The following HOXB13 variants were observed in gnomAD, a reference collection of about 807,000 sequenced individuals.
The protein encoded by HOXB13 is homeobox protein Hox-B13.
A neutral mutation model predicts 23.1 loss-of-function variants in HOXB13; 22 were observed. That is an observed-to-expected ratio of 0.95 (90% CI 0.68 to 1.36). The LOEUF (loss-of-function observed/expected upper bound fraction) is 1.36. Among genes scored for constraint, HOXB13 ranks in the 40% most tolerant of loss-of-function variants. The probability of loss-of-function intolerance (pLI) is 0.00; values close to 1 mark genes in which losing one functional copy is unlikely to be tolerated. For synonymous variants in HOXB13, 173 were observed against 157.9 expected (o/e 1.10, Z -0.72); for missense variants, 386 against 376.2 (o/e 1.03, Z -0.22).
Position 48,728,485 on chromosome 17 carries a change from G to C in HOXB13, c.109C>G (p.Pro37Ala). The C allele has an allele frequency of 1.2e-6, 2 of 1,613,346 alleles. No homozygotes were observed. Among genetic ancestry groups the C allele is most frequent in the South Asian group, 1.1e-5 (1 of 91,058 alleles). ...GCAGGCATCAGCGTAGGCGCCGCTG[G>C]GTGGCTGGTCAGAGGGGAGTGGGCG... ...LVAHSPLTSH[P>A]AAPTLMPAVN... Residue 37 changes from proline to alanine, a missense_variant, in exon 1 of 2, where the codon CCA becomes GCA. By Grantham distance (27) the Pro-to-Ala change is conservative. Transcript: ENST00000290295.
At position 48,726,674 on chromosome 17, in the gene HOXB13, G is replaced by A. The variant is rs1285617294; in HGVS notation, c.*116C>T. 1 of 1,295,082 alleles carries A rather than the reference G, an allele frequency of 7.7e-7. No homozygotes were observed. Among genetic ancestry groups the A allele is most frequent in the African/African-American group, 1.5e-5 (1 of 67,158 alleles). 80.2% of individuals were successfully genotyped at this position (1,295,082 alleles called of 1,614,324 possible). Reference sequence around the variant, plus strand: ...TCCAGCAGCCAGTGGCCTGGGAAGGGTGTTGTCTCTAGGGGCCTCTCAGCA... The same window carrying A: ...TCCAGCAGCCAGTGGCCTGGGAAGGATGTTGTCTCTAGGGGCCTCTCAGCA... On this transcript the variant is annotated 3_prime_UTR_variant, in exon 2 of 2. Coordinates refer to ENST00000290295, the MANE Select transcript of HOXB13 (RefSeq NM_006361.6).
In HOXB13 at chr17:48,728,681, A is replaced by T; in HGVS notation, c.-88T>A. The T allele has an allele frequency of 7.6e-7, 1 of 1,318,264 alleles. No individual in the cohort carries two copies. Among genetic ancestry groups the T allele is most frequent in the Non-Finnish European group, 1.1e-6 (1 of 942,078 alleles). The allele number at this position is 1,318,264 out of a possible 1,614,324, so 81.7% of individuals were successfully genotyped here. A position where few individuals can be genotyped will look rare whatever the true frequency, so the allele number is the denominator to read the frequency against. ...TCCCCACCCAGGCCGGGGGAATCCA[A>T]AGCGTTTTAAATCGCTCCCAGCTCG... On this transcript the variant is annotated 5_prime_UTR_variant, in exon 1 of 2. It adds an upstream start codon to the 5' untranslated region. Transcript: ENST00000290295.
chr17:48,727,788 T>C (rs2038226461), intron 1 of HOXB13, among the ~76,000 whole-genome samples: 2 of 152,092 alleles, frequency 1.3e-5, no homozygotes, highest in Admixed American at 6.5e-5. Context: ...AGGCTTCAGA[T>C]AGCACCCAGC....
Position 48,728,738 on chromosome 17 carries a change from C to G in HOXB13, c.-145G>C, listed in dbSNP as rs931652176. On this transcript the variant is annotated 5_prime_UTR_variant, in exon 1 of 2. Transcript: ENST00000290295. ...GCCTGCATTCGCTCAGCACGGCCGT[C>G]TTGACGCAAGAGACGCAGGGGCCCG... 1.3e-6 allele frequency: 1 copy of G among 753,616 alleles called. No individual in the cohort carries two copies. Among genetic ancestry groups the G allele is most frequent in the Non-Finnish European group, 2.1e-6 (1 of 470,468 alleles). 46.7% of individuals were successfully genotyped at this position (753,616 alleles called of 1,614,324 possible).
rs955797935 is a variant in HOXB13, at chr17:48,728,695, G to A, written c.-102C>T. On this transcript the variant is annotated 5_prime_UTR_variant, in exon 1 of 2. Transcript: ENST00000290295. Reference sequence around the variant, plus strand: ...GGGGGAATCCAAAGCGTTTTAAATCGCTCCCAGCTCGCAAGTCGCCTGCAT... The same window carrying A: ...GGGGGAATCCAAAGCGTTTTAAATCACTCCCAGCTCGCAAGTCGCCTGCAT... The A allele has an allele frequency of 8.7e-7, 1 of 1,152,142 alleles. No individual in the cohort carries two copies. Among genetic ancestry groups the A allele is most frequent in the Non-Finnish European group, 1.2e-6 (1 of 808,532 alleles). 71.4% of individuals were successfully genotyped at this position (1,152,142 alleles called of 1,614,324 possible). A position where few individuals can be genotyped will look rare whatever the true frequency, so the allele number is the denominator to read the frequency against.
Position 48,728,492 on chromosome 17 carries a change from G to A in HOXB13, c.102C>T (p.Thr34=), listed in dbSNP as rs1597935105. ...GRNLVAHSPL[T]SHPAAPTLMP... ...TCAGCGTAGGCGCCGCTGGGTGGCT[G>A]GTCAGAGGGGAGTGGGCGACCAGAT... Residue 34 remains threonine, a synonymous_variant, in exon 1 of 2, where the codon ACC becomes ACT. Coordinates refer to ENST00000290295, the MANE Select transcript of HOXB13 (RefSeq NM_006361.6). 2 of 1,613,436 alleles carry A rather than the reference G, an allele frequency of 1.2e-6. No individual in the cohort carries two copies. Among genetic ancestry groups the A allele is most frequent in the Non-Finnish European group, 1.7e-6 (2 of 1,179,948 alleles).
At chr17:48,727,847 C>G in intron 1 of HOXB13, 146 bp downstream of exon 1, 1 of 1,032,588 alleles carries the variant, frequency 9.7e-7, no homozygotes, top group Non-Finnish European at 1.4e-6. Flanking sequence ...CTACTCAGAC[C>G]TCCTTCAGAG....
chr17:48,727,903 C>T, intron 1 of HOXB13, 90 bp downstream of exon 1: 1 of 1,468,358 alleles, frequency 6.8e-7, no homozygotes, highest in Admixed American at 2.0e-5. Flanking sequence ...TCACCAGCTC[C>T]AAGTCTCCCT....
chr17:48,726,978 A>T lies in HOXB13; in HGVS notation c.667T>A (p.Tyr223Asn), dbSNP rs1365586165. 2 of 1,612,908 alleles carry T rather than the reference A, an allele frequency of 1.2e-6. No individual in the cohort carries two copies. The highest frequency in any genetic ancestry group is 2.7e-5 in the African/African-American group (2 of 74,892). ...FRRGRKKRIP[Y>N]SKGQLRELER... ...AGCTCCCGCAACTGCCCCTTGCTGT[A>T]CGGAATGCGTTTCTTGCGGCCGCGA... Residue 223 changes from tyrosine to asparagine, a missense_variant, in exon 2 of 2, where the codon TAC becomes AAC. Tyr to Asn is a moderately radical substitution (Grantham distance 143). Coordinates refer to ENST00000290295, the MANE Select transcript of HOXB13 (RefSeq NM_006361.6).
At position 48,726,688 on chromosome 17, in the gene HOXB13, G is replaced by T; in HGVS notation, c.*102C>A. On this transcript the variant is annotated 3_prime_UTR_variant, in exon 2 of 2. Transcript: ENST00000290295. ...GCCTGGGAAGGGTGTTGTCTCTAGG[G>T]GCCTCTCAGCAGAGTCCTTGGCCCC... 7.1e-7 allele frequency: 1 copy of T among 1,413,964 alleles called. No individual in the cohort carries two copies. Among genetic ancestry groups the T allele is most frequent in the Non-Finnish European group, 9.6e-7 (1 of 1,041,602 alleles). 87.6% of individuals were successfully genotyped at this position (1,413,964 alleles called of 1,614,324 possible).
chr17:48,726,850 C>A lies in HOXB13; in HGVS notation c.795G>T (p.Gln265His), dbSNP rs1291038862. 1 of 1,614,198 alleles carries A rather than the reference C, an allele frequency of 6.2e-7. No homozygotes were observed. Among genetic ancestry groups the A allele is most frequent in the Non-Finnish European group, 8.5e-7 (1 of 1,180,040 alleles). Reference protein sequence around the residue: ...LSERQITIWFQNRRVKEKKVL... With the variant: ...LSERQITIWFHNRRVKEKKVL... Reference sequence around the variant, plus strand: ...CCTTCTTCTCTTTGACCCGGCGGTTCTGAAACCAGATGGTAATCTGGCGCT... The same window carrying A: ...CCTTCTTCTCTTTGACCCGGCGGTTATGAAACCAGATGGTAATCTGGCGCT... The change falls in exon 2 of 2, where the codon CAG becomes CAT. Residue 265 changes from glutamine to histidine, a missense_variant. Gln to His is a conservative substitution (Grantham distance 24, BLOSUM62 0). Coordinates refer to ENST00000290295, the MANE Select transcript of HOXB13 (RefSeq NM_006361.6).
Position 48,728,742 on chromosome 17 carries a change from A to T in HOXB13, c.-149T>A, listed in dbSNP as rs147157748. 9.4e-5 allele frequency: 66 copies of T among 704,822 alleles called. No homozygotes were observed. The highest frequency in any genetic ancestry group is 1.5e-4 in the Non-Finnish European group (63 of 428,558). 43.7% of individuals were successfully genotyped at this position (704,822 alleles called of 1,614,324 possible). A position where few individuals can be genotyped will look rare whatever the true frequency, so the allele number is the denominator to read the frequency against. ...GCATTCGCTCAGCACGGCCGTCTTG[A>T]CGCAAGAGACGCAGGGGCCCGGGCA... On this transcript the variant is annotated 5_prime_UTR_variant, in exon 1 of 2. Transcript: ENST00000290295.
In HOXB13 at chr17:48,726,884, C is replaced by G. The variant is rs769938759; in HGVS notation, c.761G>C (p.Ser254Thr). ...DKRRKISAAT[S>T]LSERQITIWF... Reference sequence around the variant, plus strand: ...GATGGTAATCTGGCGCTCCGAGAGGCTGGTGGCTGCCGAGATCTTGCGCCT... The same window carrying G: ...GATGGTAATCTGGCGCTCCGAGAGGGTGGTGGCTGCCGAGATCTTGCGCCT... Residue 254 changes from serine (S) to threonine (T), a missense_variant, in exon 2 of 2, where the codon AGC becomes ACC. Transcript: ENST00000290295. The G allele has an allele frequency of 1.1e-5, 17 of 1,614,054 alleles. No homozygotes were observed. The African/African-American group carries it at 1.7e-4, about 16-fold the overall frequency.
At position 48,726,796 on chromosome 17, in the gene HOXB13, G is replaced by T; in HGVS notation, c.849C>A (p.Thr283=). 1 of 1,614,076 alleles carries T rather than the reference G, an allele frequency of 6.2e-7. No homozygotes were observed. Among genetic ancestry groups the T allele is most frequent in the Non-Finnish European group, 8.5e-7 (1 of 1,180,014 alleles). ...KVLAKVKNSA[T]P ...ACCCAGGCAAGGAGATCTCTTAAGGGGTAGCGCTGTTCTTCACCTTGGCGA... is the reference window on the plus strand; with the variant it reads ...ACCCAGGCAAGGAGATCTCTTAAGGTGTAGCGCTGTTCTTCACCTTGGCGA... Residue 283 remains threonine, a synonymous_variant, in exon 2 of 2, where the codon ACC becomes ACA. Coordinates refer to ENST00000290295, the MANE Select transcript of HOXB13 (RefSeq NM_006361.6).
rs772962401 is a variant in HOXB13 at position 48,728,355 on chromosome 17, T to C, written c.239A>G (p.Tyr80Cys). The change falls in exon 1 of 2, where the codon TAT (tyrosine) becomes TGT (cysteine). Residue 80 changes from tyrosine to cysteine, a missense_variant. Physicochemically the swap from Tyr to Cys is radical, Grantham distance 194 (BLOSUM62 -2). Transcript: ENST00000290295. ...GTAGTACCCGCCTCCAAAGTAACCA[T>C]AAGGCACGGGAGCTGGGGACGTCCC... is the stretch of plus-strand genomic sequence containing the variant. Reference protein sequence around the residue: ...PQGTSPAPVPYGYFGGGYYSC... With the variant: ...PQGTSPAPVPCGYFGGGYYSC... 1.2e-6 allele frequency: 2 copies of C among 1,613,864 alleles called. No homozygotes were observed. Among genetic ancestry groups the C allele is most frequent in the Non-Finnish European group, 8.5e-7 (1 of 1,179,950 alleles).
Position 48,728,228 on chromosome 17 carries a change from G to T in HOXB13, c.366C>A (p.Ser122Arg), listed in dbSNP as rs8556. 3.6e-5 allele frequency: 58 copies of T among 1,613,982 alleles called. No homozygotes were observed. The highest frequency in any genetic ancestry group is 4.6e-5 in the Non-Finnish European group (54 of 1,180,024). Residue 122 changes from serine (S) to arginine (R), a missense_variant, in exon 1 of 2, where the codon AGC becomes AGA. Transcript: ENST00000290295. ...ETPTAGEEYP[S>R]RPTEFAFYPG... is the part of the protein sequence containing the mutation. ...GATAGAAGGCAAACTCAGTGGGGCG[G>T]CTGGGGTACTCTTCCCCGGCCGTGG...
rs2038196919 is a variant in HOXB13 at position 48,725,353 on chromosome 17, A to G, written c.*1437T>C. 1 of 152,148 alleles carries G rather than the reference A, an allele frequency of 6.6e-6. No individual in the cohort carries two copies. Among genetic ancestry groups the G allele is most frequent in the South Asian group, 2.1e-4 (1 of 4,818 alleles). The allele number at this position is 152,148 out of a possible 1,614,324, so 9.4% of individuals were successfully genotyped here. On this transcript the variant is annotated 3_prime_UTR_variant, in exon 2 of 2. Coordinates refer to ENST00000290295, the MANE Select transcript of HOXB13 (RefSeq NM_006361.6). ...CTCAGTCCCGGGCTCCTCTTTGGTA[A>G]ATAGATTTGTAGGTGTCTAAGTCAC...
chr17:48,728,638 G>A lies in HOXB13; in HGVS notation c.-45C>T. On this transcript the variant is annotated 5_prime_UTR_variant, in exon 1 of 2. Coordinates refer to ENST00000290295, the MANE Select transcript of HOXB13 (RefSeq NM_006361.6). ...TGAGGTGCGGGGGCGGGGAATCTAGGGGGCACCCAGCTCGCTCTCCCCACC... is the reference window on the plus strand; with the variant it reads ...TGAGGTGCGGGGGCGGGGAATCTAGAGGGCACCCAGCTCGCTCTCCCCACC... 1 of 1,600,940 alleles carries A rather than the reference G, an allele frequency of 6.2e-7. No individual in the cohort carries two copies. Among genetic ancestry groups the A allele is most frequent in the Non-Finnish European group, 8.5e-7 (1 of 1,174,850 alleles).
At chr17:48,727,119 CAAGCT>C in intron 1 of HOXB13, 76 bp from the exon 2 acceptor site, 4 of 1,550,720 alleles carry the variant, frequency 2.6e-6, no homozygotes, top group Non-Finnish European at 2.6e-6. Context: ...TTGCAAGCCC[CAAGCT>C]AAGTCATCTC....
Sources: allele counts gnomAD v4.1 joint callset (sites outside exome capture counted in the v4.1 genomes callset), GRCh38; gene constraint gnomAD v4.1.1; transcripts MANE v1.5; gene names NCBI Gene and HGNC (gene_info 2026-07-23, HGNC 2026-07-21).